Variants in TM7SF2 observed in about 807,000 individuals in gnomAD.
TM7SF2 encodes the protein transmembrane 7 superfamily member 2.
A neutral mutation model predicts 51.0 loss-of-function variants in TM7SF2; 51 were observed. The ratio of observed to expected loss-of-function variants is 1.00; its 90% CI spans 0.80 to 1.26. The LOEUF (loss-of-function observed/expected upper bound fraction) is 1.26. Ranked by LOEUF, TM7SF2 falls within the 50% of genes most tolerant of loss-of-function variation. TM7SF2 has a pLI of 0.00. For synonymous variants in TM7SF2, 255 were observed against 241.0 expected (o/e 1.06, Z -0.54); for missense variants, 541 against 547.4 (o/e 0.99, Z 0.12).
intron 1 of TM7SF2, chr11:65,112,290 G>C: frequency 1.5e-6 from 1 of 658,382 alleles, no homozygotes; most frequent in South Asian, 2.0e-5. Flanking sequence ...ACTGGGAGCA[G>C]GAGGAGGGTC....
In TM7SF2 at chr11:65,115,411, G is replaced by A; in HGVS notation, c.973+17G>A. The A allele has an allele frequency of 1.9e-6, 3 of 1,614,160 alleles. No homozygotes were observed. The highest frequency in any genetic ancestry group is 1.7e-6 in the Non-Finnish European group (2 of 1,180,016). On this transcript the variant is annotated intron_variant, in intron 8 of 9. Coordinates refer to ENST00000279263, the MANE Select transcript of TM7SF2 (RefSeq NM_003273.6). ...GAGTGGCTGGTGAGCTGGTTCTCTA[G>A]GGCCATGGGTGAGGTGGGGCAGCTG...
intron 2 of TM7SF2, 36 bp from the exon 3 acceptor site, chr11:65,112,775 G>GC: frequency 6.5e-7 from 1 of 1,549,702 alleles, no homozygotes. Flanking sequence ...GGGAAAGGAC[G>GC]CCCCGGGCCT....
At chr11:65,115,250 G>A in intron 7 of TM7SF2, 64 bp from the exon 8 acceptor site, 3 of 1,601,584 alleles carry the variant, frequency 1.9e-6, no homozygotes, top group South Asian at 2.2e-5. Context: ...TTGGGCAGAT[G>A]TTCGGGGTCA....
At position 65,113,353 on chromosome 11, in the gene TM7SF2, C is replaced by G; in HGVS notation, c.438C>G (p.Leu146=). Residue 146 remains leucine, a synonymous_variant, in exon 4 of 10, where the codon CTC becomes CTG. Transcript: ENST00000279263. ...CCCTCACCGCTTTCATCTTCAGCCT[C>G]TTTCTCTACATGAAGGCGCAGGTAG... ...VATLTAFIFS[L]FLYMKAQVAP... is the part of the protein sequence containing the mutation. The G allele has an allele frequency of 6.2e-7, 1 of 1,614,148 alleles. No homozygotes were observed. The highest frequency in any genetic ancestry group is 8.5e-7 in the Non-Finnish European group (1 of 1,180,040).
intron 9 of TM7SF2, 23 bp downstream of exon 9, chr11:65,115,621 G>C (rs755037647): frequency 1.2e-6 from 2 of 1,613,260 alleles, no homozygotes; most frequent in African/African-American, 2.7e-5. Flanking sequence ...TGTGGATATG[G>C]GTAGGGACAT....
intron 4 of TM7SF2, 26 bp downstream of exon 4, chr11:65,113,440 G>GGAGGCA: frequency 6.2e-7 from 1 of 1,614,178 alleles, no homozygotes; most frequent in Non-Finnish European, 8.5e-7. Flanking sequence ...GGGTGGAGAC[G>GGAGGCA]GAGGCAGATT....
rs2137206807 is a variant in TM7SF2, at chr11:65,115,327, C to T, written c.906C>T (p.Tyr302=). 1 of 1,614,160 alleles carries T rather than the reference C, an allele frequency of 6.2e-7. No homozygotes were observed. Among genetic ancestry groups the T allele is most frequent in the Non-Finnish European group, 8.5e-7 (1 of 1,180,028 alleles). The change falls in exon 8 of 10, where the codon TAC becomes TAT. Residue 302 remains tyrosine, a synonymous_variant. Coordinates refer to ENST00000279263, the MANE Select transcript of TM7SF2 (RefSeq NM_003273.6). Reference sequence around the variant, plus strand: ...CTCTCTCACCAGCTACTGGTTACTACATCTTCCGTGGGGCGAATTCCCAGA... The same window carrying T: ...CTCTCTCACCAGCTACTGGTTACTATATCTTCCGTGGGGCGAATTCCCAGA... ...VICLINATGY[Y]IFRGANSQKN...
Position 65,114,816 on chromosome 11 carries a change from A to C in TM7SF2, c.707A>C (p.Asp236Ala). Residue 236 changes from aspartate to alanine, a missense_variant, in exon 6 of 10, where the codon GAT becomes GCT. Coordinates refer to ENST00000279263, the MANE Select transcript of TM7SF2 (RefSeq NM_003273.6). ...GGCTTCCAGTTGCTCTACGTGGGTG[A>C]TGCCCTCTGGCACGAGGTGAGGCTG... ...VNGFQLLYVGDALWHEEAVLT... is the reference protein window; with the variant it reads ...VNGFQLLYVGAALWHEEAVLT... 2 of 1,614,236 alleles carry C rather than the reference A, an allele frequency of 1.2e-6. No individual in the cohort carries two copies. Among genetic ancestry groups the C allele is most frequent in the African/African-American group, 2.7e-5 (2 of 75,072 alleles).
In TM7SF2 at chr11:65,111,975, G is replaced by T; in HGVS notation, c.-41G>T. On this transcript the variant is annotated 5_prime_UTR_variant, in exon 1 of 10. Transcript: ENST00000279263. ...TGGGGCGGACAGTGTTTCCTTGACT[G>T]ACTATTGTGAGCGCCCTCTCTCTCC... is the stretch of plus-strand genomic sequence containing the variant. The T allele has an allele frequency of 6.4e-7, 1 of 1,560,038 alleles. No individual in the cohort carries two copies. Among genetic ancestry groups the T allele is most frequent in the South Asian group, 1.2e-5 (1 of 84,838 alleles).
chr11:65,112,891 T>A (rs769676440), intron 3 of TM7SF2, 26 bp downstream of exon 3: 54 of 1,548,684 alleles, frequency 3.5e-5, no homozygotes, highest in Non-Finnish European at 4.1e-5. Flanking sequence ...GCCCTCGCGC[T>A]GGAGTTAAGC....
intron 6 of TM7SF2, 38 bp downstream of exon 6, chr11:65,114,870 C>A: frequency 6.2e-7 from 1 of 1,614,134 alleles, no homozygotes. Context: ...GTCTGAGGGC[C>A]GCATAGGGAC....
chr11:65,114,543 G>T (rs1947950901), intron 5 of TM7SF2, 170 bp from the exon 6 acceptor site: 1 of 780,158 alleles, frequency 1.3e-6, no homozygotes, highest in Admixed American at 2.9e-5. Context: ...AAGGCAAGAA[G>T]AAACAGGCTG....
intron 7 of TM7SF2, 84 bp downstream of exon 7, chr11:65,115,165 G>A (rs2137206411): frequency 2.5e-6 from 4 of 1,596,158 alleles, no homozygotes; most frequent in South Asian, 2.2e-5. Flanking sequence ...CCACCACATA[G>A]GTGCTAACCC....
intron 1 of TM7SF2, 61 bp downstream of exon 1, chr11:65,112,128 T>G: frequency 4.2e-5 from 64 of 1,515,470 alleles, no homozygotes; most frequent in Non-Finnish European, 5.2e-5. Flanking sequence ...CTGGAGCGGG[T>G]GAACTAAGAG....
At position 65,112,538 on chromosome 11, in the gene TM7SF2, C is replaced by A; in HGVS notation, c.76C>A (p.Leu26Met). ...PLGAAALLLL[L>M]PATMFHLLLA... Reference sequence around the variant, plus strand: ...AGGCGCCGCGGCTCTGCTACTGCTGCTGCCCGCCACCATGTTCCACCTGCT... The same window carrying A: ...AGGCGCCGCGGCTCTGCTACTGCTGATGCCCGCCACCATGTTCCACCTGCT... The change falls in exon 2 of 10, where the codon CTG (leucine) becomes ATG (methionine). Residue 26 changes from leucine (L) to methionine (M), a missense_variant. Coordinates refer to ENST00000279263, the MANE Select transcript of TM7SF2 (RefSeq NM_003273.6). 1 of 1,532,190 alleles carries A rather than the reference C, an allele frequency of 6.5e-7. No individual in the cohort carries two copies. Among genetic ancestry groups the A allele is most frequent in the Non-Finnish European group, 8.7e-7 (1 of 1,149,070 alleles). The allele number at this position is 1,532,190 out of a possible 1,614,324, so 94.9% of individuals were successfully genotyped here.
At chr11:65,113,437 G>C (rs531104489) in intron 4 of TM7SF2, 23 bp downstream of exon 4, 4 of 1,614,062 alleles carry the variant, frequency 2.5e-6, no homozygotes, top group Non-Finnish European at 3.4e-6. Context: ...CTGGGGTGGA[G>C]ACGGAGGCAG....
rs1328264219 is a variant in TM7SF2, at chr11:65,113,579, C to T, written c.588C>T (p.Pro196=). The T allele has an allele frequency of 6.2e-7, 1 of 1,613,494 alleles. No individual in the cohort carries two copies. Reference sequence around the variant, plus strand: ...TCAAATATTTCTGTGAACTGCGACCCGGCCTCATCGGCTGGGTATGTTGGG... The same window carrying T: ...TCAAATATTTCTGTGAACTGCGACCTGGCCTCATCGGCTGGGTATGTTGGG... ...FDFKYFCELR[P]GLIGWVLINL... Residue 196 remains proline, a synonymous_variant, in exon 5 of 10, where the codon CCC becomes CCT. Coordinates refer to ENST00000279263, the MANE Select transcript of TM7SF2 (RefSeq NM_003273.6).
chr11:65,113,928 G>A (rs1231595206), intron 5 of TM7SF2: 5 of 369,294 alleles, frequency 1.4e-5, no homozygotes, highest in Admixed American at 4.4e-5. Flanking sequence ...GGGAGTGACC[G>A]CATGCTGCTT....
rs1947956228 is a variant in TM7SF2 at position 65,114,894 on chromosome 11, C to T, written c.724-19C>T. The T allele has an allele frequency of 7.4e-6, 12 of 1,614,062 alleles. No homozygotes were observed. Among genetic ancestry groups the T allele is most frequent in the African/African-American group, 1.3e-5 (1 of 74,952 alleles). On this transcript the variant is annotated intron_variant, in intron 6 of 9. Coordinates refer to ENST00000279263, the MANE Select transcript of TM7SF2 (RefSeq NM_003273.6). ...CCGCATAGGGACTAAGCCAGTGTGT[C>T]TGGGTCTTGTCCCTGCAGGAGGCCG...
Sources: gnomAD v4.1 joint callset for allele counts on GRCh38, gnomAD v4.1.1 for gene constraint, MANE v1.5 for transcripts, NCBI Gene and HGNC (gene_info 2026-07-23, HGNC 2026-07-21) for gene names.